GRAMD2B: variants seen among roughly 807,000 people sequenced by gnomAD.
GRAMD2B encodes the protein GRAM domain containing 2B, also known as GRAM domain-containing protein 2B.
GRAMD2B carries 41 observed loss-of-function variants against 59.2 expected under a neutral mutation model. The ratio of observed to expected loss-of-function variants is 0.69; its 90% CI spans 0.54 to 0.90. GRAMD2B has a LOEUF of 0.90. Ranked by LOEUF, GRAMD2B falls within the 40% of genes least tolerant of loss-of-function variation. The probability of loss-of-function intolerance (pLI) is 0.00; values close to 1 mark genes in which losing one functional copy is unlikely to be tolerated. For missense variants in GRAMD2B, 424 were observed against 500.5 expected (o/e 0.85, Z 1.46); for synonymous variants, 161 against 182.7 (o/e 0.88, Z 0.96).
intron 1 of GRAMD2B, among the ~76,000 whole-genome samples, chr5:126,415,847 C>A (rs1030602656): frequency 6.6e-6 from 1 of 151,906 alleles, no homozygotes; most frequent in Non-Finnish European, 1.5e-5. Context: ...TTTAAAAAGA[C>A]GAAAAGTCAG....
intron 1 of GRAMD2B, among the ~76,000 whole-genome samples, chr5:126,451,328 G>C (rs567797538): frequency 2.6e-5 from 4 of 152,322 alleles, no homozygotes; most frequent in African/African-American, 4.8e-5. Context: ...AAGAAAAGAG[G>C]TTTAATTGGT....
At chr5:126,465,959 G>A (rs1264418274) in intron 2 of GRAMD2B, among the ~76,000 whole-genome samples, 1 of 152,178 alleles carries the variant, frequency 6.6e-6, no homozygotes, top group East Asian at 1.9e-4. Context: ...CCAGTTTCCT[G>A]TGACAGACTA....
At chr5:126,371,711 A>T (rs1754768975) in intron 1 of GRAMD2B, 9 of 623,998 alleles carry the variant, frequency 1.4e-5, no homozygotes, top group Non-Finnish European at 2.0e-5. Flanking sequence ...AGGCATCCTG[A>T]CCAGTGGATT....
chr5:126,385,907 T>C (rs1444315359), intron 1 of GRAMD2B, among the ~76,000 whole-genome samples: 1 of 152,054 alleles, frequency 6.6e-6, no homozygotes, highest in Non-Finnish European at 1.5e-5. Flanking sequence ...TTTGTAGAAA[T>C]AGCATTTGCT....
intron 1 of GRAMD2B, among the ~76,000 whole-genome samples, chr5:126,377,022 C>G (rs1005464595): frequency 6.6e-6 from 1 of 151,442 alleles, no homozygotes; most frequent in Non-Finnish European, 1.5e-5. Context: ...GAATAAAACT[C>G]GCCAGCAGTG....
intron 1 of GRAMD2B, among the ~76,000 whole-genome samples, chr5:126,464,263 A>T (rs753364711): frequency 2.6e-5 from 4 of 152,208 alleles, no homozygotes; most frequent in Non-Finnish European, 5.9e-5. Flanking sequence ...AATGAAAGTG[A>T]AGATTAGCTA....
intron 1 of GRAMD2B, among the ~76,000 whole-genome samples, chr5:126,444,898 G>A (rs1412118099): frequency 6.6e-6 from 1 of 152,134 alleles, no homozygotes; most frequent in African/African-American, 2.4e-5. Flanking sequence ...CTCCCTGTGT[G>A]CATGTGTTCT....
Position 126,493,459 on chromosome 5 carries a change from T to G in GRAMD2B, c.*503T>G, listed in dbSNP as rs1774274334. 6.5e-6 allele frequency: 1 copy of G among 152,928 alleles called. No homozygotes were observed. The highest frequency in any genetic ancestry group is 1.5e-5 in the Non-Finnish European group (1 of 68,262). 9.5% of individuals were successfully genotyped at this position (152,928 alleles called of 1,614,324 possible). On this transcript the variant is annotated 3_prime_UTR_variant, in exon 14 of 14. Coordinates refer to ENST00000285689, the MANE Select transcript of GRAMD2B (RefSeq NM_023927.4). Reference sequence around the variant, plus strand: ...AGTGGACAGGTTTGCTTCAAACAAGTAACATCTACATTTTGTCTTTTTTTT... The same window carrying G: ...AGTGGACAGGTTTGCTTCAAACAAGGAACATCTACATTTTGTCTTTTTTTT...
chr5:126,361,442 GAA>G (rs1057489277), intron 1 of GRAMD2B, among the ~76,000 whole-genome samples: 3 of 146,976 alleles, frequency 2.0e-5, no homozygotes, highest in Non-Finnish European at 4.5e-5. Context: ...TGTTGACTAG[GAA>G]AAGAGACAGT....
At chr5:126,394,308 T>C (rs1370351019) in intron 1 of GRAMD2B, among the ~76,000 whole-genome samples, 1 of 151,626 alleles carries the variant, frequency 6.6e-6, no homozygotes, top group East Asian at 1.9e-4. Context: ...ACTAGGGATA[T>C]TAGTCTGCAG....
At chr5:126,471,458 A>G (rs1177802656) in intron 3 of GRAMD2B, among the ~76,000 whole-genome samples, 1 of 152,186 alleles carries the variant, frequency 6.6e-6, no homozygotes, top group Non-Finnish European at 1.5e-5. Context: ...TGTTATTGTC[A>G]CAGTTGTGAA....
intron 1 of GRAMD2B, among the ~76,000 whole-genome samples, chr5:126,394,208 G>C (rs1033935279): frequency 6.6e-6 from 1 of 151,706 alleles, no homozygotes; most frequent in African/African-American, 2.4e-5. Flanking sequence ...CCGGGAGGCA[G>C]AGCTTGCAGT....
chr5:126,388,304 T>C (rs553152703), intron 1 of GRAMD2B, among the ~76,000 whole-genome samples: 26 of 152,168 alleles, frequency 1.7e-4, no homozygotes, highest in African/African-American at 4.3e-4. Context: ...ACCCAGGAGA[T>C]TGAGGCTGCA....
intron 1 of GRAMD2B, among the ~76,000 whole-genome samples, chr5:126,372,314 G>T (rs577628137): frequency 6.6e-5 from 10 of 152,020 alleles, no homozygotes; most frequent in African/African-American, 9.7e-5. Flanking sequence ...AAACTTTAAC[G>T]TAGCATTCAT....
At chr5:126,375,980 T>C (rs140369554) in intron 1 of GRAMD2B, among the ~76,000 whole-genome samples, 160 of 152,314 alleles carry the variant, frequency 1.1e-3, no homozygotes, top group African/African-American at 3.3e-3. Flanking sequence ...TTTCTCAAAA[T>C]ATACAGAACA....
chr5:126,398,728 G>T (rs1757577181), intron 1 of GRAMD2B, among the ~76,000 whole-genome samples: 1 of 151,968 alleles, frequency 6.6e-6, no homozygotes, highest in Non-Finnish European at 1.5e-5. Context: ...TTTAAAGTAG[G>T]CATTCATCAC....
At chr5:126,428,304 C>G (rs1032659452) in intron 1 of GRAMD2B, among the ~76,000 whole-genome samples, 1 of 152,060 alleles carries the variant, frequency 6.6e-6, no homozygotes, top group Non-Finnish European at 1.5e-5. Context: ...CACTAATCCA[C>G]TAAATATGGG....
rs548886093 is a variant in GRAMD2B at position 126,388,152 on chromosome 5, C to T, written c.125+16585C>T. ...TTTTAGGAGGCCAAGGCGGGTGATT[C>T]ACTTGAGCCCAGGAGTTTGAGACCA... On this transcript the variant is annotated intron_variant, in intron 1 of 8. Transcript: ENST00000506445. Among the ~76,000 whole-genome samples, 8 of 152,188 alleles carry T rather than the reference C, an allele frequency of 5.3e-5. No homozygotes were observed. In the East Asian group the frequency reaches 1.5e-3, roughly 29 times the overall value.
chr5:126,389,053 A>G (rs903464189), intron 1 of GRAMD2B, among the ~76,000 whole-genome samples: 2 of 152,184 alleles, frequency 1.3e-5, no homozygotes, highest in Admixed American at 1.3e-4. Flanking sequence ...ACTAACAATA[A>G]TTCTTATTTG....
Sources: allele counts gnomAD v4.1 joint callset (sites outside exome capture counted in the v4.1 genomes callset), GRCh38; gene constraint gnomAD v4.1.1; transcripts MANE v1.5; gene names NCBI Gene and HGNC (gene_info 2026-07-23, HGNC 2026-07-21).